GPR180: variants seen among roughly 807,000 people sequenced by gnomAD.
GPR180 encodes the protein integral membrane protein GPR180.
In GPR180, 53 loss-of-function variants were observed where a neutral mutation model predicts 52.6. The observed-to-expected ratio is 1.01, with a 90% CI of 0.81 to 1.27. The LOEUF is 1.27. Among genes scored for constraint, GPR180 ranks in the 50% most tolerant of loss-of-function variants. The pLI is 0.00. For synonymous variants in GPR180, 200 were observed against 193.1 expected (o/e 1.04, Z -0.30); for missense variants, 533 against 527.0 (o/e 1.01, Z -0.11).
intron 5 of GPR180, among the ~76,000 whole-genome samples, chr13:94,620,830 T>C (rs1889840902): frequency 6.6e-6 from 1 of 152,298 alleles, no homozygotes; most frequent in Admixed American, 6.5e-5. Context: ...TGGGCATATA[T>C]ATGTATTTTT....
chr13:94,620,927 G>C (rs996398059), intron 5 of GPR180, 151 bp from the exon 6 acceptor site: 8 of 598,202 alleles, frequency 1.3e-5, no homozygotes, highest in Non-Finnish European at 1.4e-5. Flanking sequence ...TATTACCTGC[G>C]AATATCTCTT....
chr13:94,605,586 GT>G (rs753202189), intron 2 of GPR180, 37 bp downstream of exon 2: 12 of 1,560,152 alleles, frequency 7.7e-6, no homozygotes, highest in Middle Eastern at 1.7e-4. Flanking sequence ...ATTAGATATA[GT>G]TTTTTTCCTC....
chr13:94,618,345 G>A (rs1441198590), intron 3 of GPR180, among the ~76,000 whole-genome samples: 1 of 149,154 alleles, frequency 6.7e-6, no homozygotes, highest in Admixed American at 6.7e-5. Context: ...TTGGCCCCTT[G>A]CATTGGTAGC....
intron 5 of GPR180, 57 bp from the exon 6 acceptor site, chr13:94,621,021 C>T: frequency 6.8e-7 from 1 of 1,472,772 alleles, no homozygotes; most frequent in Admixed American, 2.5e-5. Context: ...ATGCAAAAAG[C>T]ACTAAATTTT....
intron 2 of GPR180, among the ~76,000 whole-genome samples, chr13:94,607,936 G>T (rs1274544569): frequency 6.6e-6 from 1 of 152,114 alleles, no homozygotes. Flanking sequence ...TTGTTTGGCT[G>T]GTTGTTAGCT....
chr13:94,633,897 A>G lies in GPR180; in HGVS notation c.*6726A>G, dbSNP rs1890031501. The G allele has an allele frequency of 6.6e-6, 1 of 150,790 alleles. No homozygotes were observed. Among genetic ancestry groups the G allele is most frequent in the Non-Finnish European group, 1.5e-5 (1 of 67,656 alleles). 9.3% of individuals were successfully genotyped at this position (150,790 alleles called of 1,614,324 possible). A position where few individuals can be genotyped will look rare whatever the true frequency, so the allele number is the denominator to read the frequency against. ...AAATATGAATTAGAGATCCAACTTA[A>G]TTTTTTTCAGATGGTTGTTGACTTA... On this transcript the variant is annotated 3_prime_UTR_variant, in exon 9 of 9. Coordinates refer to ENST00000376958, the MANE Select transcript of GPR180 (RefSeq NM_180989.6).
intron 2 of GPR180, among the ~76,000 whole-genome samples, chr13:94,606,782 G>T (rs374723753): frequency 1.5e-3 from 232 of 152,324 alleles, no homozygotes; most frequent in African/African-American, 5.4e-3. Flanking sequence ...GCCACCCATT[G>T]TGGGGATCTT....
At chr13:94,625,943 T>G in intron 7 of GPR180, 23 bp from the exon 8 acceptor site, 1 of 1,587,326 alleles carries the variant, frequency 6.3e-7, no homozygotes, top group South Asian at 1.1e-5. Flanking sequence ...GTTCTACTTA[T>G]TTCACTTTTT....
intron 2 of GPR180, among the ~76,000 whole-genome samples, chr13:94,609,880 A>C (rs1422221116): frequency 6.6e-6 from 1 of 152,118 alleles, no homozygotes; most frequent in Non-Finnish European, 1.5e-5. Flanking sequence ...CCAGTTGTAC[A>C]GTCCAAGTCC....
chr13:94,602,932 A>C (rs1350292690), intron 1 of GPR180, among the ~76,000 whole-genome samples: 2 of 152,208 alleles, frequency 1.3e-5, no homozygotes, highest in African/African-American at 4.8e-5. Context: ...TACAGTCTTT[A>C]GCATTAAAAG....
Position 94,601,893 on chromosome 13 carries a change from G to A in GPR180, c.-35G>A. 2 of 1,360,718 alleles carry A rather than the reference G, an allele frequency of 1.5e-6. No individual in the cohort carries two copies. Among genetic ancestry groups the A allele is most frequent in the Non-Finnish European group, 9.5e-7 (1 of 1,055,816 alleles). 84.3% of individuals were successfully genotyped at this position (1,360,718 alleles called of 1,614,324 possible). Reference sequence around the variant, plus strand: ...TGGGGCGGGCAGCCGCCGGCGGCTGGGAGCCGAGGCGTCGGTGCAGACCTG... The same window carrying A: ...TGGGGCGGGCAGCCGCCGGCGGCTGAGAGCCGAGGCGTCGGTGCAGACCTG... On this transcript the variant is annotated 5_prime_UTR_variant, in exon 1 of 9. Transcript: ENST00000376958.
rs1453152055 is a variant in GPR180 at position 94,612,318 on chromosome 13, C to G, written c.433C>G (p.Pro145Ala). ...DKENSQVEDI[P>A]FEMVLLNPDA... ...GGAGAATTCTCAGGTGGAAGATATC[C>G]CATTTGAAATGGTGTTACTAAACCC... The change falls in exon 3 of 9, where the codon CCA becomes GCA. Residue 145 changes from proline to alanine, a missense_variant. By Grantham distance (27) the Pro-to-Ala change is conservative. Coordinates refer to ENST00000376958, the MANE Select transcript of GPR180 (RefSeq NM_180989.6). The G allele has an allele frequency of 6.2e-7, 1 of 1,613,564 alleles. No homozygotes were observed. Among genetic ancestry groups the G allele is most frequent in the Non-Finnish European group, 8.5e-7 (1 of 1,179,674 alleles).
chr13:94,612,495 C>T, intron 3 of GPR180, 105 bp downstream of exon 3: 1 of 775,536 alleles, frequency 1.3e-6, no homozygotes, highest in Non-Finnish European at 2.1e-6. Context: ...CCTGTGTTTC[C>T]AAAACTAGAG....
chr13:94,631,123 G>A lies in GPR180; in HGVS notation c.*3952G>A, dbSNP rs1188470030. 2 of 152,300 alleles carry A rather than the reference G, an allele frequency of 1.3e-5. No individual in the cohort carries two copies. Among genetic ancestry groups the A allele is most frequent in the Admixed American group, 6.5e-5 (1 of 15,306 alleles). The allele number at this position is 152,300 out of a possible 1,614,324, so 9.4% of individuals were successfully genotyped here. On this transcript the variant is annotated 3_prime_UTR_variant, in exon 9 of 9. Transcript: ENST00000376958. ...GCTCCTTCAGCTTCTCTGGCTCCTG[G>A]GCCAGGTGTGCGTTTTACTCTGACA... is the stretch of plus-strand genomic sequence containing the variant.
rs538845747 is a variant in GPR180, at chr13:94,617,325, A to G, written c.506-1825A>G. On this transcript the variant is annotated intron_variant, in intron 3 of 8. Coordinates refer to ENST00000376958, the MANE Select transcript of GPR180 (RefSeq NM_180989.6). ...AGATAAAAACTAAGATTCAAAACAC[A>G]GGATAGCATAAGGAACTTTACTGAC... Among the ~76,000 whole-genome samples the G allele has an allele frequency of 2.0e-5, 3 of 152,346 alleles. No homozygotes were observed. The South Asian group carries it at 6.2e-4, about 32-fold the overall frequency.
At chr13:94,620,242 G>T (rs895777306) in intron 5 of GPR180, among the ~76,000 whole-genome samples, 3 of 152,084 alleles carry the variant, frequency 2.0e-5, no homozygotes, top group Admixed American at 6.5e-5. Context: ...TCCACTCTCT[G>T]TTATAACTGA....
intron 1 of GPR180, among the ~76,000 whole-genome samples, chr13:94,602,582 A>G (rs554896067): frequency 2.2e-4 from 33 of 148,444 alleles, no homozygotes; most frequent in Non-Finnish European, 4.4e-4. Context: ...TAGTTGTTAT[A>G]TTGAGCAGTT....
At position 94,627,600 on chromosome 13, in the gene GPR180, T is replaced by C. The variant is rs1380451737; in HGVS notation, c.*429T>C. The C allele has an allele frequency of 6.5e-6, 1 of 154,814 alleles. No homozygotes were observed. The highest frequency in any genetic ancestry group is 1.4e-5 in the Non-Finnish European group (1 of 69,890). 9.6% of individuals were successfully genotyped at this position (154,814 alleles called of 1,614,324 possible). A position where few individuals can be genotyped will look rare whatever the true frequency, so the allele number is the denominator to read the frequency against. On this transcript the variant is annotated 3_prime_UTR_variant, in exon 9 of 9. Transcript: ENST00000376958. The stretch of plus-strand genomic sequence containing the variant: ...ATGAAATCAGTGTAATACATTGATT[T>C]TTAAAACTGCTGCTTTTTATGCTTT...
intron 7 of GPR180, among the ~76,000 whole-genome samples, chr13:94,624,748 T>C (rs1163910358): frequency 6.6e-6 from 1 of 152,194 alleles, no homozygotes; most frequent in Non-Finnish European, 1.5e-5. Flanking sequence ...TTCACCGTGT[T>C]AGCCAGGATG....
Sources: allele counts gnomAD v4.1 joint callset (sites outside exome capture counted in the v4.1 genomes callset), GRCh38; gene constraint gnomAD v4.1.1; transcripts MANE v1.5; gene names NCBI Gene and HGNC (gene_info 2026-07-23, HGNC 2026-07-21).